The following LEMD2 variants were observed in gnomAD, a reference collection of about 807,000 sequenced individuals.
The protein encoded by LEMD2 is LEM domain-containing protein 2.
A neutral mutation model predicts 58.8 loss-of-function variants in LEMD2; 34 were observed. That is an observed-to-expected ratio of 0.58 (90% CI 0.44 to 0.77). LEMD2 has a LOEUF of 0.77. LEMD2 is among the 30% of genes least tolerant of loss of function. The probability of loss-of-function intolerance (pLI) is 0.00; values close to 1 mark genes in which losing one functional copy is unlikely to be tolerated. For synonymous variants in LEMD2, 298 were observed against 308.9 expected (o/e 0.96, Z 0.37); for missense variants, 629 against 717.9 (o/e 0.88, Z 1.42).
rs532682101 is a variant in LEMD2, at chr6:33,788,620, G to C, written c.497C>G (p.Ser166Cys). Residue 166 changes from serine (S) to cysteine (C), a missense_variant, in exon 1 of 9, where the codon TCT becomes TGT. By Grantham distance (112) the Ser-to-Cys change is moderately radical (BLOSUM62 -1). This residue lies in a region of LEMD2 where 386 missense variants were observed against 381.1 expected (regional missense o/e 1.01). Transcript: ENST00000293760. The stretch of plus-strand genomic sequence containing the variant: ...GGAAGGCAGCCGCGCCGGGGCGGGA[G>C]ACGCTGCCCACCAGCGGCGGGCCGC... ...GLAARRWWAASPAPARLPSSL... is the reference protein window; with the variant it reads ...GLAARRWWAACPAPARLPSSL... The C allele has an allele frequency of 6.3e-6, 8 of 1,274,400 alleles. No homozygotes were observed. Among genetic ancestry groups the C allele is most frequent in the Non-Finnish European group, 7.9e-6 (8 of 1,014,854 alleles). The allele number at this position is 1,274,400 out of a possible 1,614,324, so 78.9% of individuals were successfully genotyped here.
rs1217440250 is a variant in LEMD2, at chr6:33,786,975, G to A, written c.737-201C>T. 4.9e-6 allele frequency: 6 copies of A among 1,223,268 alleles called. No homozygotes were observed. In the South Asian group the frequency reaches 5.3e-5, roughly 11 times the overall value. 75.8% of individuals were successfully genotyped at this position (1,223,268 alleles called of 1,614,324 possible). A position where few individuals can be genotyped will look rare whatever the true frequency, so the allele number is the denominator to read the frequency against. ...ATCCAAATCCTGGATTAGGAATTAC[G>A]ATAGCTGGGTCCTTGTCCCAGCTGA... On this transcript the variant is annotated intron_variant, in intron 1 of 8. Transcript: ENST00000293760.
intron 3 of LEMD2, chr6:33,781,397 G>T: frequency 2.0e-6 from 1 of 503,318 alleles, no homozygotes; most frequent in Non-Finnish European, 3.5e-6. Context: ...TGACTAAAAA[G>T]CTGCCCAATA....
chr6:33,784,375 T>G lies in LEMD2; in HGVS notation c.830A>C (p.Tyr277Ser), dbSNP rs770496563. The G allele has an allele frequency of 6.3e-7, 1 of 1,594,846 alleles. No individual in the cohort carries two copies. ...AALLELLHEL[Y>S]NFLAIQAGNF... is the part of the protein sequence containing the mutation. The stretch of plus-strand genomic sequence containing the variant: ...ACCAGCTTGGATGGCCAGGAAATTG[T>G]AGAGTTCATGCAGCAGCTCCAGCAA... The change falls in exon 3 of 9, where the codon TAC becomes TCC. Residue 277 changes from tyrosine (Y) to serine (S), a missense_variant. Around this residue, in one of 2 missense-constraint regions of LEMD2, gnomAD observed 243 missense variants for 336.8 expected, o/e 0.72. Transcript: ENST00000293760.
intron 3 of LEMD2, 149 bp from the exon 4 acceptor site, chr6:33,781,302 C>A (rs1472569594): frequency 1.6e-6 from 1 of 613,402 alleles, no homozygotes; most frequent in Non-Finnish European, 2.9e-6. Context: ...CTTCACTCTG[C>A]AGCAAGATCA....
Position 33,789,040 on chromosome 6 carries a change from G to T in LEMD2, c.77C>A (p.Thr26Asn), listed in dbSNP as rs201742534. 2,079 of 1,558,060 alleles carry T rather than the reference G, an allele frequency of 1.3e-3. 8 individuals carry two copies. Among genetic ancestry groups the T allele is most frequent in the Middle Eastern group, 5.9e-3 (33 of 5,616 alleles). The change falls in exon 1 of 9, where the codon ACC becomes AAC. Residue 26 changes from threonine to asparagine, a missense_variant. By Grantham distance (65) the Thr-to-Asn change is moderately conservative (BLOSUM62 0). Transcript: ENST00000293760. Reference sequence around the variant, plus strand: ...CTTGTTGCGGTAGACATCCCGGGTGGTGTCGGTGATGGGTCCTGGCTGGAA... The same window carrying T: ...CTTGTTGCGGTAGACATCCCGGGTGTTGTCGGTGATGGGTCCTGGCTGGAA... ...LGFQPGPITD[T>N]TRDVYRNKLR...
At chr6:33,779,065 T>C (rs1767505744) in intron 5 of LEMD2, 1 of 152,142 alleles carries the variant, frequency 6.6e-6, no homozygotes. Flanking sequence ...AGTGTCCTGA[T>C]TTCTCAGGAC....
At chr6:33,780,005 CCTGAGACAGCT>C in intron 5 of LEMD2, 84 bp downstream of exon 5, 1 of 1,083,966 alleles carries the variant, frequency 9.2e-7, no homozygotes, top group East Asian at 2.6e-5. Flanking sequence ...CAGCTTCAGA[CCTGAGACAGCT>C]CTGTTGGAGC....
At chr6:33,773,513 C>G (rs554454959) in intron 8 of LEMD2, among the ~76,000 whole-genome samples, 1 of 149,940 alleles carries the variant, frequency 6.7e-6, no homozygotes, top group African/African-American at 2.4e-5. Context: ...TGACACCACA[C>G]GTGGAAAGAC....
In LEMD2 at chr6:33,788,715, C is replaced by A. The variant is rs756336841; in HGVS notation, c.402G>T (p.Ser134=). The A allele has an allele frequency of 2.1e-6, 3 of 1,421,604 alleles. No individual in the cohort carries two copies. The highest frequency in any genetic ancestry group is 6.1e-5 in the East Asian group (2 of 32,650). 88.1% of individuals were successfully genotyped at this position (1,421,604 alleles called of 1,614,324 possible). A position where few individuals can be genotyped will look rare whatever the true frequency, so the allele number is the denominator to read the frequency against. ...ARPAQLRRRA[S]VRGSSEEDED... is the part of the protein sequence containing the mutation. ...CGTCCTCCTCGGAGCTGCCCCGGAC[C>A]GAGGCGCGGCGCCTGAGTTGCGCCG... Residue 134 remains serine (S), a synonymous_variant, in exon 1 of 9, where the codon TCG becomes TCT. Coordinates refer to ENST00000293760, the MANE Select transcript of LEMD2 (RefSeq NM_181336.4).
chr6:33,777,812 CCTT>C (rs1767470545), intron 6 of LEMD2, among the ~76,000 whole-genome samples: 1 of 152,210 alleles, frequency 6.6e-6, no homozygotes, highest in African/African-American at 2.4e-5. Flanking sequence ...CACCCTGAGT[CCTT>C]CTTGCTTTCA....
At chr6:33,774,094 T>C (rs1471441604) in intron 8 of LEMD2, among the ~76,000 whole-genome samples, 2 of 151,922 alleles carry the variant, frequency 1.3e-5, no homozygotes, top group Non-Finnish European at 1.5e-5. Flanking sequence ...TTTAAGCAAA[T>C]ATGTGTGTGG....
chr6:33,773,090 TG>T (rs1354868177), intron 8 of LEMD2, among the ~76,000 whole-genome samples: 3 of 152,166 alleles, frequency 2.0e-5, no homozygotes, highest in African/African-American at 7.2e-5. Context: ...TGGGACCTGT[TG>T]CCTGCGCAGC....
intron 8 of LEMD2, among the ~76,000 whole-genome samples, chr6:33,774,966 G>A (rs1299774141): frequency 8.3e-6 from 1 of 120,212 alleles, no homozygotes; most frequent in African/African-American, 2.8e-5. Context: ...CATTTGTGGA[G>A]GAACTGAATG....
chr6:33,778,966 T>C lies in LEMD2; in HGVS notation c.1011-579A>G, dbSNP rs1335671242. 1 of 152,132 alleles carries C rather than the reference T, an allele frequency of 6.6e-6. No homozygotes were observed. The highest frequency in any genetic ancestry group is 1.5e-5 in the Non-Finnish European group (1 of 68,032). The allele number at this position is 152,132 out of a possible 1,614,324, so 9.4% of individuals were successfully genotyped here. ...CAGGAGGTGTCAGGACCTGCAGAGG[T>C]GGGGACACCAGAGCCTTCTTCCAGC... is the stretch of plus-strand genomic sequence containing the variant. On this transcript the variant is annotated intron_variant, in intron 5 of 8. Coordinates refer to ENST00000293760, the MANE Select transcript of LEMD2 (RefSeq NM_181336.4). This position sits in a 1 kb window ranked among gnomAD's most constrained non-coding sequence, Gnocchi z 4.7.
At chr6:33,782,919 G>A (rs927900378) in intron 3 of LEMD2, among the ~76,000 whole-genome samples, 3 of 152,238 alleles carry the variant, frequency 2.0e-5, no homozygotes, top group East Asian at 1.9e-4. Flanking sequence ...CAGGCTTGTC[G>A]GAGGGCAACA....
At position 33,788,916 on chromosome 6, in the gene LEMD2, C is replaced by G. The variant is rs1472780496; in HGVS notation, c.201G>C (p.Arg67=). The change falls in exon 1 of 9, where the codon CGG becomes CGC. Residue 67 remains arginine, a synonymous_variant. Transcript: ENST00000293760. The part of the protein sequence containing the change: ...RGEERLREEA[R]LREDAPLRAR... ...CGCGCAGCGGCGCATCCTCGCGTAACCGGGCCTCTTCCCGTAACCGCTCCT... is the reference window on the plus strand; with the variant it reads ...CGCGCAGCGGCGCATCCTCGCGTAAGCGGGCCTCTTCCCGTAACCGCTCCT... The G allele has an allele frequency of 1.4e-6, 2 of 1,465,740 alleles. No homozygotes were observed. Among genetic ancestry groups the G allele is most frequent in the African/African-American group, 2.9e-5 (2 of 68,610 alleles). The allele number at this position is 1,465,740 out of a possible 1,614,324, so 90.8% of individuals were successfully genotyped here. A position where few individuals can be genotyped will look rare whatever the true frequency, so the allele number is the denominator to read the frequency against.
At chr6:33,780,321 CAGGA>C in intron 4 of LEMD2, 142 bp from the exon 5 acceptor site, 1 of 743,616 alleles carries the variant, frequency 1.3e-6, no homozygotes, top group East Asian at 2.7e-5. Flanking sequence ...AGCAAAGTGG[CAGGA>C]AGGAAATCGG....
chr6:33,777,168 C>T lies in LEMD2; in HGVS notation c.1228G>A (p.Ala410Thr), dbSNP rs1297501541. Residue 410 changes from alanine (A) to threonine (T), a missense_variant, in exon 7 of 9, where the codon GCC (alanine) becomes ACC (threonine). Ala to Thr is a moderately conservative substitution (Grantham distance 58). Transcript: ENST00000293760. The stretch of plus-strand genomic sequence containing the variant: ...ATCTTCTTCACCATCTCATACATGG[C>T]TTGTTCCTCCTCTTCTAACTTTCGC... ...RWRKLEEEEQAMYEMVKKIID... is the reference protein window; with the variant it reads ...RWRKLEEEEQTMYEMVKKIID... The T allele has an allele frequency of 6.2e-7, 1 of 1,614,088 alleles. No homozygotes were observed. Among genetic ancestry groups the T allele is most frequent in the Non-Finnish European group, 8.5e-7 (1 of 1,180,022 alleles).
At chr6:33,784,586 G>A (rs1370420642) in intron 2 of LEMD2, 159 bp from the exon 3 acceptor site, 9 of 592,126 alleles carry the variant, frequency 1.5e-5, no homozygotes, top group Non-Finnish European at 2.7e-5. Flanking sequence ...GCTGGGCCTA[G>A]GGAGAGAGTT....
Sources: allele counts gnomAD v4.1 joint callset (sites outside exome capture counted in the v4.1 genomes callset), GRCh38; gene constraint gnomAD v4.1.1; regional missense constraint gnomAD v4.1.1; non-coding constraint Gnocchi (gnomAD v3.1); transcripts MANE v1.5; gene names NCBI Gene and HGNC (gene_info 2026-07-23, HGNC 2026-07-21).